RAD51B: variants seen among roughly 807,000 people sequenced by gnomAD.
RAD51B encodes the protein RAD51 paralog B, also known as DNA repair protein RAD51 homolog 2.
In RAD51B, 38 loss-of-function variants were observed where a neutral mutation model predicts 42.2. The observed-to-expected ratio is 0.90, with a 90% CI of 0.70 to 1.18. RAD51B has a LOEUF of 1.18. Among genes scored for constraint, RAD51B ranks in the 50% most tolerant of loss-of-function variants. The pLI is 0.00. For synonymous variants in RAD51B, 154 were observed against 145.2 expected, an observed-to-expected ratio of 1.06 and a Z score of -0.43; for missense variants, 373 against 400.7, an observed-to-expected ratio of 0.93 and a Z score of 0.59.
At chr14:68,203,716 C>A (rs1387438759) in intron 7 of RAD51B, among the ~76,000 whole-genome samples, 1 of 152,182 alleles carries the variant, frequency 6.6e-6, no homozygotes, top group Non-Finnish European at 1.5e-5. Flanking sequence ...TTAGTTGAGT[C>A]GCCTTCATCA....
intron 9 of RAD51B, among the ~76,000 whole-genome samples, chr14:68,431,949 T>A (rs2085019199): frequency 6.6e-6 from 1 of 152,220 alleles, no homozygotes; most frequent in South Asian, 2.1e-4. Flanking sequence ...TGGTATGTTG[T>A]GTCTTTGTTC....
chr14:68,033,772 C>A (rs1595291744), intron 7 of RAD51B, among the ~76,000 whole-genome samples: 1 of 152,136 alleles, frequency 6.6e-6, no homozygotes, highest in African/African-American at 2.4e-5. Flanking sequence ...CTCTTTTTCC[C>A]AGTCACCATT....
intron 3 of RAD51B, among the ~76,000 whole-genome samples, chr14:67,831,682 A>G (rs1292437342): frequency 6.6e-6 from 1 of 150,812 alleles, no homozygotes; most frequent in African/African-American, 2.4e-5. Context: ...GATTACAGGC[A>G]TGTGCTACCA....
intron 9 of RAD51B, among the ~76,000 whole-genome samples, chr14:68,451,978 T>C (rs1335660135): frequency 6.6e-6 from 1 of 152,184 alleles, no homozygotes; most frequent in African/African-American, 2.4e-5. Context: ...CTTTTTACTA[T>C]AGTAATCACA....
chr14:67,974,371 C>T (rs2074950796), intron 7 of RAD51B, among the ~76,000 whole-genome samples: 1 of 152,034 alleles, frequency 6.6e-6, no homozygotes, highest in Non-Finnish European at 1.5e-5. Flanking sequence ...AATTCAGTAA[C>T]TTTCAGTTAG....
At chr14:67,944,201 A>ATT (rs370785745) in intron 7 of RAD51B, among the ~76,000 whole-genome samples, 80 of 130,096 alleles carry the variant, frequency 6.1e-4, no homozygotes, top group African/African-American at 2.1e-3. Flanking sequence ...AGAAGTAAAG[A>ATT]TTTTTTTTTT....
intron 7 of RAD51B, among the ~76,000 whole-genome samples, chr14:68,139,949 G>A (rs191825409): frequency 1.3e-5 from 2 of 152,278 alleles, no homozygotes; most frequent in Admixed American, 6.5e-5. Context: ...GACCCTTGAA[G>A]CAGCCACACA....
intron 7 of RAD51B, among the ~76,000 whole-genome samples, chr14:68,004,289 C>T (rs545817663): frequency 4.8e-5 from 7 of 145,718 alleles, no homozygotes; most frequent in South Asian, 4.4e-4. Flanking sequence ...GCTGAGATCG[C>T]GCCACTGCAC....
At chr14:68,166,803 A>G (rs1255609789) in intron 7 of RAD51B, among the ~76,000 whole-genome samples, 1 of 152,170 alleles carries the variant, frequency 6.6e-6, no homozygotes, top group Non-Finnish European at 1.5e-5. Flanking sequence ...CAACATACAT[A>G]AAACTTAATA....
intron 7 of RAD51B, 140 bp downstream of exon 7, chr14:67,887,344 T>C (rs2043092915): frequency 1.6e-6 from 1 of 621,216 alleles, no homozygotes; most frequent in Non-Finnish European, 2.7e-6. Flanking sequence ...ACAGTCTAAT[T>C]GCTATAGCAA....
chr14:68,436,054 G>T (rs1216138862), intron 9 of RAD51B, among the ~76,000 whole-genome samples: 1 of 151,976 alleles, frequency 6.6e-6, no homozygotes, highest in African/African-American at 2.4e-5. Flanking sequence ...TTTTGTTTTT[G>T]TTCCATTTGC....
intron 7 of RAD51B, among the ~76,000 whole-genome samples, chr14:67,893,281 A>G (rs538347257): frequency 6.6e-6 from 1 of 152,120 alleles, no homozygotes; most frequent in Admixed American, 6.6e-5. Flanking sequence ...CCTTTCTGCA[A>G]CTTTTTGGTA....
At chr14:68,081,270 T>G (rs1247638164) in intron 7 of RAD51B, among the ~76,000 whole-genome samples, 1 of 152,198 alleles carries the variant, frequency 6.6e-6, no homozygotes, top group Non-Finnish European at 1.5e-5. Flanking sequence ...GATACTGAGT[T>G]GTTTTTTGTT....
At chr14:67,947,726 A>G (rs2045443941) in intron 7 of RAD51B, among the ~76,000 whole-genome samples, 1 of 152,160 alleles carries the variant, frequency 6.6e-6, no homozygotes, top group Admixed American at 6.5e-5. Flanking sequence ...TAGAAAGACT[A>G]ATATTTGGTC....
At chr14:68,628,143 C>T (rs1311668768) in intron 10 of RAD51B, among the ~76,000 whole-genome samples, 4 of 152,224 alleles carry the variant, frequency 2.6e-5, no homozygotes, top group Non-Finnish European at 5.9e-5. Flanking sequence ...TTTACATGAC[C>T]CAAGTGTCCC....
intron 7 of RAD51B, among the ~76,000 whole-genome samples, chr14:68,042,158 C>T (rs897095763): frequency 1.9e-4 from 29 of 152,180 alleles, no homozygotes; most frequent in African/African-American, 6.8e-4. Context: ...CTAAACACTG[C>T]ACCTGGCTCA....
At chr14:67,998,425 G>T (rs917198998) in intron 7 of RAD51B, among the ~76,000 whole-genome samples, 4 of 152,178 alleles carry the variant, frequency 2.6e-5, no homozygotes, top group African/African-American at 9.7e-5. Context: ...TCATGTGTAG[G>T]AATGCTATGT....
chr14:68,096,480 T>G (rs2077197180), intron 7 of RAD51B, among the ~76,000 whole-genome samples: 1 of 152,210 alleles, frequency 6.6e-6, no homozygotes, highest in Non-Finnish European at 1.5e-5. Flanking sequence ...AGGTACTTTC[T>G]TCCTTCCTCC....
chr14:68,153,278 A>G (rs1056287264), intron 7 of RAD51B, among the ~76,000 whole-genome samples: 12 of 152,214 alleles, frequency 7.9e-5, no homozygotes, highest in Admixed American at 7.8e-4. Context: ...TCTGTAAAAT[A>G]TATTTTGATA....
Sources: gnomAD v4.1 joint callset for allele counts (sites outside exome capture counted in the v4.1 genomes callset) on GRCh38, gnomAD v4.1.1 for gene constraint, MANE v1.5 for transcripts, NCBI Gene and HGNC (gene_info 2026-07-23, HGNC 2026-07-21) for gene names.